Variants in GRM3 observed in about 807,000 individuals in gnomAD.
GRM3 encodes metabotropic glutamate receptor 3.
In GRM3, 26 loss-of-function variants were observed where a neutral mutation model predicts 70.5. The ratio of observed to expected loss-of-function variants is 0.37; its 90% CI spans 0.27 to 0.51. GRM3 has a LOEUF of 0.51. Among genes scored for constraint, GRM3 ranks in the 20% least tolerant of loss-of-function variants. The pLI is 0.93. For synonymous variants in GRM3, 443 were observed against 434.9 expected, an observed-to-expected ratio of 1.02 and a Z score of -0.23; for missense variants, 859 against 1,123.8, an observed-to-expected ratio of 0.76 and a Z score of 3.37.
chr7:86,780,736 A>G (rs1797031043), intron 2 of GRM3, among the ~76,000 whole-genome samples: 1 of 152,206 alleles, frequency 6.6e-6, no homozygotes, highest in Admixed American at 6.5e-5. Context: ...ATTTCCCAGT[A>G]GACTCTTAGA....
chr7:86,779,504 A>G (rs182273476), intron 2 of GRM3, among the ~76,000 whole-genome samples: 2 of 152,292 alleles, frequency 1.3e-5, no homozygotes, highest in East Asian at 3.9e-4. Flanking sequence ...TCCCTCATCA[A>G]TCCATTTAAC....
intron 4 of GRM3, among the ~76,000 whole-genome samples, chr7:86,845,541 A>G (rs1798639293): frequency 6.6e-6 from 1 of 152,050 alleles, no homozygotes; most frequent in African/African-American, 2.4e-5. Context: ...CAAGGCATAA[A>G]ATTTTGAGTT....
At chr7:86,798,299 G>A (rs937952787) in intron 3 of GRM3, among the ~76,000 whole-genome samples, 7 of 152,178 alleles carry the variant, frequency 4.6e-5, no homozygotes, top group African/African-American at 1.7e-4. Context: ...GCCCATGAAA[G>A]CAGCCAGGAG....
At chr7:86,765,709 G>T in intron 2 of GRM3, 96 bp downstream of exon 2, 1 of 943,836 alleles carries the variant, frequency 1.1e-6, no homozygotes, top group South Asian at 1.8e-5. Flanking sequence ...GTCATCAACG[G>T]ATTATATCAA....
intron 4 of GRM3, among the ~76,000 whole-genome samples, chr7:86,843,984 T>C (rs1329657021): frequency 6.6e-6 from 1 of 152,130 alleles, no homozygotes; most frequent in Non-Finnish European, 1.5e-5. Flanking sequence ...AGAATCTCGA[T>C]ATCAGCAAGC....
At chr7:86,737,955 T>G (rs1436822443) in intron 1 of GRM3, among the ~76,000 whole-genome samples, 1 of 152,234 alleles carries the variant, frequency 6.6e-6, no homozygotes, top group Non-Finnish European at 1.5e-5. Flanking sequence ...CACATTCCCC[T>G]CACCATTTAG....
At chr7:86,711,399 T>G (rs2116172705) in intron 1 of GRM3, among the ~76,000 whole-genome samples, 1 of 152,212 alleles carries the variant, frequency 6.6e-6, no homozygotes, top group East Asian at 1.9e-4. Context: ...TTGCAAAATA[T>G]TTCCACAATA....
chr7:86,800,952 T>C (rs1208082856), intron 3 of GRM3, among the ~76,000 whole-genome samples: 1 of 152,182 alleles, frequency 6.6e-6, no homozygotes, highest in African/African-American at 2.4e-5. Context: ...GTCTAAGTTA[T>C]TTAAGTTATT....
intron 2 of GRM3, chr7:86,775,202 C>T (rs538067350): frequency 6.6e-6 from 1 of 152,170 alleles, no homozygotes; most frequent in Non-Finnish European, 1.5e-5. Context: ...CTTCATCTTT[C>T]CTAGAGACCT....
At chr7:86,725,314 A>G (rs1357518304) in intron 1 of GRM3, among the ~76,000 whole-genome samples, 3 of 152,132 alleles carry the variant, frequency 2.0e-5, no homozygotes, top group Admixed American at 1.3e-4. Flanking sequence ...GATCACCTCA[A>G]TCTGAATGGT....
intron 1 of GRM3, among the ~76,000 whole-genome samples, chr7:86,750,973 T>C (rs1345450961): frequency 6.6e-6 from 1 of 152,108 alleles, no homozygotes; most frequent in Non-Finnish European, 1.5e-5. Context: ...ACTAGAAATA[T>C]AGGGCATAAG....
chr7:86,729,394 T>C (rs560160538), intron 1 of GRM3, among the ~76,000 whole-genome samples: 1 of 152,348 alleles, frequency 6.6e-6, no homozygotes, highest in South Asian at 2.1e-4. Flanking sequence ...GAGAGTATTA[T>C]TGTGTTACAT....
chr7:86,825,675 G>T (rs1043642318), intron 3 of GRM3, among the ~76,000 whole-genome samples: 2 of 152,094 alleles, frequency 1.3e-5, no homozygotes, highest in African/African-American at 4.8e-5. Flanking sequence ...GCTTGTCTTC[G>T]GAAAGTTCAT....
At chr7:86,646,120 C>T (rs764725987) in intron 1 of GRM3, among the ~76,000 whole-genome samples, 18 of 151,402 alleles carry the variant, frequency 1.2e-4, no homozygotes, top group Non-Finnish European at 2.2e-4. Flanking sequence ...TCAATATAGG[C>T]ATTACTAAAG....
rs112702586 is a variant in GRM3, at chr7:86,703,098, T to C, written c.-141+58226T>C. Among the ~76,000 whole-genome samples the C allele has an allele frequency of 5.6e-3, 855 of 152,072 alleles. 10 individuals are homozygous for C. Among genetic ancestry groups the C allele is most frequent in the African/African-American group, 0.019 (809 of 41,524 alleles). On this transcript the variant is annotated intron_variant, in intron 1 of 5. Coordinates refer to ENST00000361669, the MANE Select transcript of GRM3 (RefSeq NM_000840.3). ...GAAACCCTGACAATGAGACAAAATA[T>C]GTTGGGGTTTTTTTTCCAGATAAAT... is the stretch of plus-strand genomic sequence containing the variant.
chr7:86,807,591 A>AT (rs1199171470), intron 3 of GRM3, among the ~76,000 whole-genome samples: 2 of 151,884 alleles, frequency 1.3e-5, no homozygotes, highest in African/African-American at 2.4e-5. Context: ...TTGCACATTG[A>AT]TTTTTTATCC....
intron 1 of GRM3, among the ~76,000 whole-genome samples, chr7:86,693,549 A>G (rs1794742829): frequency 1.3e-5 from 2 of 152,340 alleles, no homozygotes; most frequent in East Asian, 1.9e-4. Flanking sequence ...ACAAATCATC[A>G]GGGCCAGGAA....
chr7:86,734,671 A>G lies in GRM3; in HGVS notation c.-140-30335A>G, dbSNP rs116815636. On this transcript the variant is annotated intron_variant, in intron 1 of 5. Coordinates refer to ENST00000361669, the MANE Select transcript of GRM3 (RefSeq NM_000840.3). ...ATGTCCTTCACAGACAAACATACACACAGACAGATGTACTTCTATCCCCTG... is the reference window on the plus strand; with the variant it reads ...ATGTCCTTCACAGACAAACATACACGCAGACAGATGTACTTCTATCCCCTG... 4.9e-3 allele frequency among the ~76,000 whole-genome samples: 749 copies of G among 152,326 alleles called. 5 individuals are homozygous for G. The highest frequency in any genetic ancestry group is 0.017 in the African/African-American group (712 of 41,574).
At chr7:86,828,352 T>C (rs1484987978) in intron 3 of GRM3, among the ~76,000 whole-genome samples, 1 of 152,092 alleles carries the variant, frequency 6.6e-6, no homozygotes, top group East Asian at 1.9e-4. Flanking sequence ...TCACATACAA[T>C]TTACTATTAT....
Sources: gnomAD v4.1 joint callset for allele counts (sites outside exome capture counted in the v4.1 genomes callset) on GRCh38, gnomAD v4.1.1 for gene constraint, MANE v1.5 for transcripts, NCBI Gene and HGNC (gene_info 2026-07-23, HGNC 2026-07-21) for gene names.